INHBA: variants seen among roughly 807,000 people sequenced by gnomAD.
The protein encoded by INHBA is inhibin beta A chain.
INHBA carries 1 observed loss-of-function variant against 29.0 expected under a neutral mutation model. The ratio of observed to expected loss-of-function variants is 0.03; its 90% CI spans 0.01 to 0.16. The LOEUF is 0.16. INHBA is among the 10% of genes least tolerant of loss of function. INHBA has a pLI of 1.00. For missense variants in INHBA, 376 were observed against 545.4 expected, an observed-to-expected ratio of 0.69 and a Z score of 3.09; for synonymous variants, 242 against 216.8, an observed-to-expected ratio of 1.12 and a Z score of -1.02.
At chr7:41,695,702 A>C (rs1417492880) in intron 2 of INHBA, among the ~76,000 whole-genome samples, 2 of 152,170 alleles carry the variant, frequency 1.3e-5, no homozygotes, top group Non-Finnish European at 2.9e-5. Flanking sequence ...TTTTGGGAGA[A>C]AGGGGTTTTA....
At chr7:41,695,329 T>C (rs1341250832) in intron 2 of INHBA, among the ~76,000 whole-genome samples, 14 of 152,210 alleles carry the variant, frequency 9.2e-5, no homozygotes, top group Admixed American at 9.2e-4. Context: ...AAAGCGTCTG[T>C]TCCTTTAATT....
Position 41,688,222 on chromosome 7 carries a change from T to A in INHBA, c.*1428A>T, listed in dbSNP as rs1357110084. ...ATGGTACAATACATGTATATATACA[T>A]ACAGATATGCATATGCACAAGCAAT... On this transcript the variant is annotated 3_prime_UTR_variant, in exon 3 of 3. Coordinates refer to ENST00000242208, the MANE Select transcript of INHBA (RefSeq NM_002192.4). The A allele has an allele frequency of 6.6e-6, 1 of 152,254 alleles. No individual in the cohort carries two copies. Among genetic ancestry groups the A allele is most frequent in the East Asian group, 1.9e-4 (1 of 5,204 alleles). The allele number at this position is 152,254 out of a possible 1,614,324, so 9.4% of individuals were successfully genotyped here.
chr7:41,689,508 C>G lies in INHBA; in HGVS notation c.*142G>C. On this transcript the variant is annotated 3_prime_UTR_variant, in exon 3 of 3. Transcript: ENST00000242208. Reference sequence around the variant, plus strand: ...TTCATCAGGTTTTGTTTTTAATTTACTTTTGTTTTTTTTTGTTTTTTTTTT... The same window carrying G: ...TTCATCAGGTTTTGTTTTTAATTTAGTTTTGTTTTTTTTTGTTTTTTTTTT... 3.9e-6 allele frequency: 3 copies of G among 761,914 alleles called. No individual in the cohort carries two copies. The highest frequency in any genetic ancestry group is 3.8e-6 in the Non-Finnish European group (2 of 531,064). 47.2% of individuals were successfully genotyped at this position (761,914 alleles called of 1,614,324 possible). A position where few individuals can be genotyped will look rare whatever the true frequency, so the allele number is the denominator to read the frequency against.
At chr7:41,698,482 A>G (rs993120772) in intron 2 of INHBA, among the ~76,000 whole-genome samples, 9 of 152,230 alleles carry the variant, frequency 5.9e-5, no homozygotes, top group Non-Finnish European at 1.2e-4. Context: ...TCCCACCATG[A>G]AAAGTTGAGA....
chr7:41,690,810 GT>G (rs1794484617), intron 2 of INHBA, among the ~76,000 whole-genome samples: 1 of 152,188 alleles, frequency 6.6e-6, no homozygotes, highest in South Asian at 2.1e-4. Context: ...TGTAAATAAA[GT>G]TTTGTTGGAG....
In INHBA at chr7:41,699,979, G is replaced by T; in HGVS notation, c.388+8C>A. The T allele has an allele frequency of 7.3e-7, 1 of 1,377,570 alleles. No homozygotes were observed. Among genetic ancestry groups the T allele is most frequent in the Non-Finnish European group, 9.6e-7 (1 of 1,043,356 alleles). The allele number at this position is 1,377,570 out of a possible 1,614,324, so 85.3% of individuals were successfully genotyped here. Reference sequence around the variant, plus strand: ...CCCTCCCCACCCCCTGCCAATGCCAGCACCAACCTGACTCGGCAAACGTGA... The same window carrying T: ...CCCTCCCCACCCCCTGCCAATGCCATCACCAACCTGACTCGGCAAACGTGA... On this transcript the variant is annotated splice_region_variant and intron_variant, in intron 2 of 2. Coordinates refer to ENST00000242208, the MANE Select transcript of INHBA (RefSeq NM_002192.4).
At chr7:41,697,422 G>A (rs994995117) in intron 2 of INHBA, among the ~76,000 whole-genome samples, 2 of 152,208 alleles carry the variant, frequency 1.3e-5, no homozygotes, top group Non-Finnish European at 2.9e-5. Context: ...GACAAACTCA[G>A]TTAAAAGAGT....
chr7:41,704,009 G>A (rs982756243), upstream of INHBA, among the ~76,000 whole-genome samples: 15 of 152,172 alleles, frequency 9.9e-5, no homozygotes, highest in Admixed American at 2.6e-4. Flanking sequence ...TGACAAGAAC[G>A]GTGAAGGGTT....
At chr7:41,693,643 G>A (rs1158653418) in intron 2 of INHBA, among the ~76,000 whole-genome samples, 2 of 152,186 alleles carry the variant, frequency 1.3e-5, no homozygotes, top group Non-Finnish European at 2.9e-5. Flanking sequence ...TACAAAGAGA[G>A]TACTCATTAG....
chr7:41,699,488 G>T (rs749396011), intron 2 of INHBA, among the ~76,000 whole-genome samples: 1 of 152,130 alleles, frequency 6.6e-6, no homozygotes, highest in Non-Finnish European at 1.5e-5. Flanking sequence ...GACTTTTAAA[G>T]GGGAAGGTTT....
At chr7:41,701,715 G>A (rs1193844817) in intron 1 of INHBA, among the ~76,000 whole-genome samples, 2 of 152,166 alleles carry the variant, frequency 1.3e-5, no homozygotes, top group South Asian at 4.1e-4. Context: ...TATAAAAAGA[G>A]TGCACTCGTA....
intron 2 of INHBA, chr7:41,691,480 CA>C (rs1265480088): frequency 2.0e-4 from 31 of 152,328 alleles, no homozygotes; most frequent in Admixed American, 9.8e-4. Context: ...GGGCTCTGTA[CA>C]TGCTGTTCCT....
chr7:41,702,155 T>C (rs1423517302), intron 1 of INHBA, among the ~76,000 whole-genome samples: 1 of 152,196 alleles, frequency 6.6e-6, no homozygotes, highest in Non-Finnish European at 1.5e-5. Context: ...TTCATAGCAT[T>C]ACAGTCAAGC....
In INHBA at chr7:41,687,349, T is replaced by C. The variant is rs1020957792; in HGVS notation, c.*2301A>G. The C allele has an allele frequency of 4.6e-5, 7 of 152,364 alleles. No homozygotes were observed. The highest frequency in any genetic ancestry group is 1.7e-4 in the African/African-American group (7 of 41,586). 9.4% of individuals were successfully genotyped at this position (152,364 alleles called of 1,614,324 possible). On this transcript the variant is annotated 3_prime_UTR_variant, in exon 3 of 3. Transcript: ENST00000242208. ...CAATATTTTACAAAATATTAATTAA[T>C]GTAATTGTTCCCAATTATTAGAAAC...
intron 1 of INHBA, among the ~76,000 whole-genome samples, chr7:41,701,802 G>A (rs934239814): frequency 6.6e-6 from 1 of 152,196 alleles, no homozygotes; most frequent in African/African-American, 2.4e-5. Context: ...TCATGTGGTA[G>A]TTTTTTCAGC....
chr7:41,701,208 G>T (rs989928500), intron 1 of INHBA, among the ~76,000 whole-genome samples: 1 of 151,998 alleles, frequency 6.6e-6, no homozygotes, highest in Non-Finnish European at 1.5e-5. Flanking sequence ...TTGAAAAAGT[G>T]TTCCCACCGC....
intron 2 of INHBA, chr7:41,693,869 A>G (rs568123355): frequency 3.3e-5 from 5 of 152,174 alleles, no homozygotes; most frequent in Non-Finnish European, 7.4e-5. Flanking sequence ...TCTCTCCCCC[A>G]TATTTCTGAC....
Position 41,689,553 on chromosome 7 carries a change from AT to A in INHBA, c.*96del. 2 of 854,536 alleles carry A rather than the reference AT, an allele frequency of 2.3e-6. No individual in the cohort carries two copies. Among genetic ancestry groups the A allele is most frequent in the Non-Finnish European group, 3.0e-6 (2 of 659,932 alleles). The allele number at this position is 854,536 out of a possible 1,614,324, so 52.9% of individuals were successfully genotyped here. On this transcript the variant is annotated 3_prime_UTR_variant, in exon 3 of 3. Transcript: ENST00000242208. ...TTTTTTTGTTTTGTTTTTAATTTCT[AT>A]TTTTCTGGTTAACTCAGAAACCTTA...
intron 1 of INHBA, among the ~76,000 whole-genome samples, chr7:41,702,069 C>T (rs1360465341): frequency 3.3e-5 from 5 of 152,118 alleles, no homozygotes; most frequent in Admixed American, 2.0e-4. Context: ...CGTTCCTTCC[C>T]TCTCGGTTTC....
Sources: allele counts gnomAD v4.1 joint callset (sites outside exome capture counted in the v4.1 genomes callset), GRCh38; gene constraint gnomAD v4.1.1; transcripts MANE v1.5; gene names NCBI Gene and HGNC (gene_info 2026-07-23, HGNC 2026-07-21).